The following CCDC69 variants were observed in gnomAD, a reference collection of about 807,000 sequenced individuals.
CCDC69 encodes the protein coiled-coil domain containing 69, also known as coiled-coil domain-containing protein 69.
CCDC69 carries 38 observed loss-of-function variants against 40.3 expected under a neutral mutation model. The observed-to-expected ratio is 0.94, with a 90% CI of 0.73 to 1.24. The LOEUF (loss-of-function observed/expected upper bound fraction) is 1.24. CCDC69 is among the 50% of genes most tolerant of loss of function. The pLI is 0.00. For synonymous variants in CCDC69, 141 were observed against 138.9 expected (o/e 1.02, Z -0.11); for missense variants, 389 against 357.9 (o/e 1.09, Z -0.70).
chr5:151,190,076 A>G (rs370273898), intron 4 of CCDC69, among the ~76,000 whole-genome samples: 127 of 152,362 alleles, frequency 8.3e-4, no homozygotes, highest in African/African-American at 2.9e-3. Context: ...AACCTGCTCT[A>G]AAAGAATTGC....
At chr5:151,199,319 A>G (rs550008131) in intron 3 of CCDC69, among the ~76,000 whole-genome samples, 1 of 152,274 alleles carries the variant, frequency 6.6e-6, no homozygotes, top group African/African-American at 2.4e-5. Context: ...CACATGGAAA[A>G]GGATTTAGGA....
At chr5:151,220,493 A>G (rs914489489) in intron 1 of CCDC69, among the ~76,000 whole-genome samples, 1 of 152,126 alleles carries the variant, frequency 6.6e-6, no homozygotes, top group African/African-American at 2.4e-5. Flanking sequence ...CTTGTTGTCT[A>G]CTGGTTGATT....
chr5:151,202,518 G>A (rs1411235129), intron 2 of CCDC69, among the ~76,000 whole-genome samples: 3 of 152,214 alleles, frequency 2.0e-5, no homozygotes, highest in African/African-American at 7.2e-5. Context: ...AGAAGCAGCT[G>A]CCTCCTCTTT....
intron 1 of CCDC69, among the ~76,000 whole-genome samples, chr5:151,223,322 C>A (rs1753161302): frequency 6.6e-6 from 1 of 152,232 alleles, no homozygotes; most frequent in Non-Finnish European, 1.5e-5. Flanking sequence ...CCAGCTACCC[C>A]AAGGGCAGCC....
chr5:151,221,157 A>G (rs1433150817), intron 1 of CCDC69, among the ~76,000 whole-genome samples: 1 of 152,134 alleles, frequency 6.6e-6, no homozygotes, highest in Non-Finnish European at 1.5e-5. Context: ...GCCAAGCCCA[A>G]CAGGCACCAT....
chr5:151,189,365 T>C (rs1752571353), intron 4 of CCDC69, among the ~76,000 whole-genome samples: 1 of 151,738 alleles, frequency 6.6e-6, no homozygotes. Context: ...GTGAAATCAA[T>C]AGCAGAATGG....
chr5:151,203,192 C>T (rs962941240), intron 2 of CCDC69, among the ~76,000 whole-genome samples: 12 of 152,144 alleles, frequency 7.9e-5, no homozygotes, highest in Middle Eastern at 3.4e-3. Flanking sequence ...CTAACTACCA[C>T]CTTATCCTGC....
chr5:151,214,124 G>A (rs1232862540), intron 1 of CCDC69, among the ~76,000 whole-genome samples: 3 of 152,218 alleles, frequency 2.0e-5, no homozygotes, highest in Admixed American at 6.5e-5. Context: ...AGTCCTTTCC[G>A]TCCCCCTGAT....
chr5:151,209,080 G>A (rs928111875), intron 1 of CCDC69, among the ~76,000 whole-genome samples: 2 of 152,208 alleles, frequency 1.3e-5, no homozygotes, highest in Non-Finnish European at 2.9e-5. Context: ...AGAGCAGAGT[G>A]GTTAAGAACT....
rs548275852 is a variant in CCDC69 at position 151,208,016 on chromosome 5, C to T, written c.49-2541G>A. On this transcript the variant is annotated intron_variant, in intron 1 of 8. Coordinates refer to ENST00000355417, the MANE Select transcript of CCDC69 (RefSeq NM_015621.3). The stretch of plus-strand genomic sequence containing the variant: ...CTATAATCTTGGCACTCTGGGAGGC[C>T]GAAGTGGGCAAATCATTTGCAGTCA... 1.0e-3 allele frequency among the ~76,000 whole-genome samples: 159 copies of T among 152,168 alleles called. 1 individual carries two copies. The highest frequency in any genetic ancestry group is 1.0e-4 in the Non-Finnish European group (7 of 68,010).
rs1766667150 is a variant in CCDC69, at chr5:151,183,116, A to G, written c.*321T>C. On this transcript the variant is annotated 3_prime_UTR_variant, in exon 9 of 9. Transcript: ENST00000355417. ...GCTGTCTCCTTTATGTCAAATGGCC[A>G]GCGTGACACAGACTGCCCCTGGGAA... is the stretch of plus-strand genomic sequence containing the variant. 1 of 513,152 alleles carries G rather than the reference A, an allele frequency of 1.9e-6. No homozygotes were observed. Among genetic ancestry groups the G allele is most frequent in the Non-Finnish European group, 3.8e-6 (1 of 266,298 alleles). 31.8% of individuals were successfully genotyped at this position (513,152 alleles called of 1,614,324 possible).
chr5:151,209,603 G>A (rs1752900094), intron 1 of CCDC69, among the ~76,000 whole-genome samples: 1 of 150,620 alleles, frequency 6.6e-6, no homozygotes, highest in Admixed American at 6.6e-5. Flanking sequence ...TTTTTGAGAT[G>A]GGGTCTTGCT....
intron 1 of CCDC69, among the ~76,000 whole-genome samples, chr5:151,223,540 C>G (rs1753168279): frequency 6.6e-6 from 1 of 152,254 alleles, no homozygotes. Flanking sequence ...AGATTATCAG[C>G]CTTTAACCCC....
chr5:151,184,486 G>T, intron 7 of CCDC69, 45 bp from the exon 8 acceptor site: 2 of 1,275,668 alleles, frequency 1.6e-6, no homozygotes, highest in Non-Finnish European at 2.3e-6. Flanking sequence ...AACTCACGCT[G>T]CACGATGTGT....
In CCDC69 at chr5:151,183,449, G is replaced by A; in HGVS notation, c.879C>T (p.Phe293=). The change falls in exon 9 of 9, where the codon TTC becomes TTT. Residue 293 remains phenylalanine, a synonymous_variant. Coordinates refer to ENST00000355417, the MANE Select transcript of CCDC69 (RefSeq NM_015621.3). ...CAGGCCCTGCACCCTATGTGGCGAG[G>A]AAAGAGACCTCAGTGGGAGTGACAG... is the stretch of plus-strand genomic sequence containing the variant. ...LAPVTPTEVS[F]LAT is the part of the protein sequence containing the mutation. 6.2e-7 allele frequency: 1 copy of A among 1,603,186 alleles called. No homozygotes were observed. Among genetic ancestry groups the A allele is most frequent in the Non-Finnish European group, 8.5e-7 (1 of 1,176,130 alleles).
rs977405626 is a variant in CCDC69, at chr5:151,182,536, G to C, written c.*901C>G. 1.3e-5 allele frequency: 2 copies of C among 158,174 alleles called. No homozygotes were observed. Among genetic ancestry groups the C allele is most frequent in the African/African-American group, 4.8e-5 (2 of 41,478 alleles). The allele number at this position is 158,174 out of a possible 1,614,324, so 9.8% of individuals were successfully genotyped here. A position where few individuals can be genotyped will look rare whatever the true frequency, so the allele number is the denominator to read the frequency against. On this transcript the variant is annotated 3_prime_UTR_variant, in exon 9 of 9. Coordinates refer to ENST00000355417, the MANE Select transcript of CCDC69 (RefSeq NM_015621.3). ...AAGAGAAAAACAGAGCAAAGGATAAGACCCGGATGACAGATGAGATCTAGA... is the reference window on the plus strand; with the variant it reads ...AAGAGAAAAACAGAGCAAAGGATAACACCCGGATGACAGATGAGATCTAGA...
chr5:151,184,217 C>G (rs1017108109), intron 8 of CCDC69, 127 bp downstream of exon 8: 4 of 688,294 alleles, frequency 5.8e-6, no homozygotes, highest in African/African-American at 1.8e-5. Context: ...AAAGAGGAGC[C>G]ACATTCCCTA....
chr5:151,222,068 A>G lies in CCDC69; in HGVS notation c.48+1855T>C, dbSNP rs539189030. 1.4e-4 allele frequency among the ~76,000 whole-genome samples: 22 copies of G among 152,390 alleles called. No homozygotes were observed. In the East Asian group the frequency reaches 4.0e-3, roughly 28 times the overall value. ...TAAAAGATTTTACGCTAAAGTCATCAAGAAGCCACTGGAAGCACAGCGGGA... is the reference window on the plus strand; with the variant it reads ...TAAAAGATTTTACGCTAAAGTCATCGAGAAGCCACTGGAAGCACAGCGGGA... On this transcript the variant is annotated intron_variant, in intron 1 of 8. Transcript: ENST00000355417.
Position 151,182,931 on chromosome 5 carries a change from T to C in CCDC69, c.*506A>G. On this transcript the variant is annotated 3_prime_UTR_variant, in exon 9 of 9. Coordinates refer to ENST00000355417, the MANE Select transcript of CCDC69 (RefSeq NM_015621.3). ...CTCTGGCCTTCAGACAATCCTAGAA[T>C]GGGACACTGCAGTGACATAAGAGTC... 2.4e-6 allele frequency: 1 copy of C among 410,212 alleles called. No individual in the cohort carries two copies. The highest frequency in any genetic ancestry group is 4.9e-6 in the Non-Finnish European group (1 of 202,148). 25.4% of individuals were successfully genotyped at this position (410,212 alleles called of 1,614,324 possible). A position where few individuals can be genotyped will look rare whatever the true frequency, so the allele number is the denominator to read the frequency against.
Sources: allele counts gnomAD v4.1 joint callset (sites outside exome capture counted in the v4.1 genomes callset), GRCh38; gene constraint gnomAD v4.1.1; transcripts MANE v1.5; gene names NCBI Gene and HGNC (gene_info 2026-07-23, HGNC 2026-07-21).